NOL4: variants seen among roughly 807,000 people sequenced by gnomAD.
NOL4 encodes nucleolar protein 4.
A neutral mutation model predicts 75.9 loss-of-function variants in NOL4; 17 were observed. The observed-to-expected ratio is 0.22, with a 90% confidence interval of 0.15 to 0.34. The LOEUF (loss-of-function observed/expected upper bound fraction) is 0.34, where lower values mean the gene tolerates loss of function less well. Among genes scored for constraint, NOL4 ranks in the 10% least tolerant of loss-of-function variants. NOL4 has a pLI of 1.00. For synonymous variants in NOL4, 292 were observed against 289.9 expected, an observed-to-expected ratio of 1.01 and a Z score of -0.07; for missense variants, 614 against 793.5, an observed-to-expected ratio of 0.77 and a Z score of 2.72.
At chr18:34,133,142 C>T (rs916463428) in intron 1 of NOL4, among the ~76,000 whole-genome samples, 19 of 151,604 alleles carry the variant, frequency 1.3e-4, no homozygotes, top group East Asian at 1.9e-4. Context: ...TGTGGTGGTG[C>T]GTGCCTGTAA....
At chr18:33,944,012 G>A (rs1379070029) in intron 8 of NOL4, among the ~76,000 whole-genome samples, 1 of 148,774 alleles carries the variant, frequency 6.7e-6, no homozygotes, top group African/African-American at 2.5e-5. Flanking sequence ...ACTGAAAGAT[G>A]AAATACTTAA....
intron 6 of NOL4, among the ~76,000 whole-genome samples, chr18:33,997,616 C>T (rs2146191695): frequency 6.7e-6 from 1 of 150,104 alleles, no homozygotes; most frequent in South Asian, 2.1e-4. Flanking sequence ...TCAAAGTATA[C>T]ACTTCGCATA....
Position 33,863,251 on chromosome 18 carries a change from T to C in NOL4, c.1724-10216A>G, listed in dbSNP as rs553942968. Among the ~76,000 whole-genome samples, 15 of 151,164 alleles carry C rather than the reference T, an allele frequency of 9.9e-5. No homozygotes were observed. In the South Asian group the frequency reaches 3.2e-3, roughly 32 times the overall value. ...ACACATGGACACAGGTACGGTAACA[T>C]CACACTCTGGGGACTGTTGTGGGGT... On this transcript the variant is annotated intron_variant, in intron 10 of 10. Coordinates refer to ENST00000261592, the MANE Select transcript of NOL4 (RefSeq NM_003787.5).
At chr18:34,007,176 G>A (rs994928070) in intron 6 of NOL4, among the ~76,000 whole-genome samples, 1 of 151,940 alleles carries the variant, frequency 6.6e-6, no homozygotes. Flanking sequence ...GAAGGGAGTT[G>A]CTGTGCTGGC....
chr18:33,854,800 T>A (rs1223699672), intron 10 of NOL4, among the ~76,000 whole-genome samples: 1 of 151,804 alleles, frequency 6.6e-6, no homozygotes, highest in Non-Finnish European at 1.5e-5. Flanking sequence ...CCAAGTTGAT[T>A]GGCATCCTTA....
chr18:34,221,950 C>T, intron 1 of NOL4: 5 of 1,343,888 alleles, frequency 3.7e-6, no homozygotes, highest in Non-Finnish European at 5.1e-6. Flanking sequence ...CTCAAGAAAC[C>T]CCAAAGCGAG....
At chr18:34,069,988 G>A (rs994482923) in intron 5 of NOL4, among the ~76,000 whole-genome samples, 1 of 152,200 alleles carries the variant, frequency 6.6e-6, no homozygotes, top group Non-Finnish European at 1.5e-5. Context: ...GCTTCGCTAT[G>A]CCAACAGTCT....
At chr18:34,175,894 A>G (rs1288275511) in intron 1 of NOL4, among the ~76,000 whole-genome samples, 1 of 152,150 alleles carries the variant, frequency 6.6e-6, no homozygotes, top group Non-Finnish European at 1.5e-5. Flanking sequence ...GAGATCCCAT[A>G]TAATATTATT....
chr18:34,041,184 T>C (rs970129428), intron 5 of NOL4, among the ~76,000 whole-genome samples: 4 of 152,042 alleles, frequency 2.6e-5, no homozygotes, highest in East Asian at 1.9e-4. Context: ...AAAACTATGA[T>C]ATAAATTTGA....
intron 1 of NOL4, among the ~76,000 whole-genome samples, chr18:34,181,344 G>T (rs1171834513): frequency 6.6e-6 from 1 of 151,330 alleles, no homozygotes; most frequent in African/African-American, 2.4e-5. Flanking sequence ...TCCACAAATG[G>T]TGCTGTGACT....
intron 1 of NOL4, among the ~76,000 whole-genome samples, chr18:34,139,322 T>G (rs2081039643): frequency 6.6e-6 from 1 of 152,168 alleles, no homozygotes; most frequent in African/African-American, 2.4e-5. Flanking sequence ...TTTTTTTGGT[T>G]GGTAAGCTAT....
intron 10 of NOL4, among the ~76,000 whole-genome samples, chr18:33,855,883 G>A (rs2062815717): frequency 6.6e-6 from 1 of 150,640 alleles, no homozygotes; most frequent in South Asian, 2.1e-4. Context: ...CCCGTTTATG[G>A]TGCATTTTTG....
At chr18:34,084,220 A>G (rs1274842230) in intron 5 of NOL4, among the ~76,000 whole-genome samples, 1 of 152,068 alleles carries the variant, frequency 6.6e-6, no homozygotes, top group Non-Finnish European at 1.5e-5. Context: ...GCTGGGTGGA[A>G]TCCCCCTCCT....
At chr18:34,179,596 AT>A (rs1375024128) in intron 1 of NOL4, among the ~76,000 whole-genome samples, 4 of 151,606 alleles carry the variant, frequency 2.6e-5, no homozygotes, top group African/African-American at 7.2e-5. Flanking sequence ...TACCAAAAAA[AT>A]AGATTAATAT....
intron 8 of NOL4, among the ~76,000 whole-genome samples, chr18:33,953,164 T>C: frequency 7.2e-6 from 1 of 138,112 alleles, no homozygotes; most frequent in Admixed American, 7.2e-5. Context: ...CTGAAAATTG[T>C]CTAACGAGAT....
At chr18:33,971,661 T>G (rs1212538035) in intron 6 of NOL4, among the ~76,000 whole-genome samples, 2 of 152,172 alleles carry the variant, frequency 1.3e-5, no homozygotes, top group African/African-American at 4.8e-5. Flanking sequence ...TGCTCAGTCT[T>G]AAAGTACTTT....
intron 6 of NOL4, among the ~76,000 whole-genome samples, chr18:33,966,553 T>C (rs577730227): frequency 1.3e-5 from 2 of 152,130 alleles, no homozygotes. Flanking sequence ...CCTTAAAGTC[T>C]CCAGCAAAGG....
chr18:34,077,460 C>T (rs1397170778), intron 5 of NOL4, among the ~76,000 whole-genome samples: 1 of 152,010 alleles, frequency 6.6e-6, no homozygotes. Flanking sequence ...CAATCACACA[C>T]ACATATAAAA....
At chr18:34,061,657 T>C (rs907605938) in intron 5 of NOL4, among the ~76,000 whole-genome samples, 1 of 152,092 alleles carries the variant, frequency 6.6e-6, no homozygotes, top group Admixed American at 6.5e-5. Context: ...TCCACACTGG[T>C]GGAGTAATAA....
Sources: gnomAD v4.1 joint callset for allele counts (sites outside exome capture counted in the v4.1 genomes callset) on GRCh38, gnomAD v4.1.1 for gene constraint, MANE v1.5 for transcripts, NCBI Gene and HGNC (gene_info 2026-07-23, HGNC 2026-07-21) for gene names.